Variants in FANCB observed in about 807,000 individuals in gnomAD.
FANCB encodes FA complementation group B, also known as Fanconi anemia group B protein.
In FANCB, 5 loss-of-function variants were observed where a neutral mutation model predicts 38.9. The observed-to-expected ratio is 0.13, with a 90% CI of 0.07 to 0.27. The LOEUF is 0.27. Among genes scored for constraint, FANCB ranks in the 10% least tolerant of loss-of-function variants. The probability of loss-of-function intolerance (pLI) is 1.00; values close to 1 mark genes in which losing one functional copy is unlikely to be tolerated. For missense variants in FANCB, 573 were observed against 602.7 expected, an observed-to-expected ratio of 0.95 and a Z score of 0.52; for synonymous variants, 236 against 215.4, an observed-to-expected ratio of 1.10 and a Z score of -0.84.
chrX:14,696,457 T>C, the FANCB span, among the ~76,000 whole-genome samples: 1 of 111,893 alleles, frequency 8.9e-6, no homozygotes, highest in Non-Finnish European at 1.9e-5. Context: ...GAAAAAATTA[T>C]TGACAGCAAG....
downstream of FANCB, among the ~76,000 whole-genome samples, chrX:14,843,208 T>C (rs901004174): frequency 9.0e-6 from 1 of 111,680 alleles, no homozygotes; most frequent in Non-Finnish European, 1.9e-5. Context: ...GGCTGGATAA[T>C]TCTTTGTTGT....
the FANCB span, among the ~76,000 whole-genome samples, chrX:14,766,420 G>A: frequency 1.8e-5 from 2 of 111,866 alleles, no homozygotes; most frequent in Non-Finnish European, 1.9e-5. Flanking sequence ...GCACCCAGAA[G>A]TAATGAGGGA....
At chrX:14,872,643 C>T (rs915368602) in intron 1 of FANCB, among the ~76,000 whole-genome samples, 2 of 67,044 alleles carry the variant, frequency 3.0e-5, no homozygotes, top group African/African-American at 1.3e-4. Context: ...CCGCCCCCCC[C>T]ACACACACCC....
chrX:14,797,826 G>A, the FANCB span, among the ~76,000 whole-genome samples: 2 of 111,121 alleles, frequency 1.8e-5, no homozygotes, highest in African/African-American at 6.6e-5. Flanking sequence ...CACATCTCGG[G>A]AGCTTAAAAA....
the FANCB span, among the ~76,000 whole-genome samples, chrX:14,715,798 C>A: frequency 1.8e-5 from 2 of 111,431 alleles, no homozygotes; most frequent in African/African-American, 6.5e-5. Context: ...GAATGTCACA[C>A]AAAGGAGCTT....
rs373465821 is a variant in FANCB, at chrX:14,843,662, T to C, written c.2485A>G (p.Lys829Glu). 3 of 1,208,012 alleles carry C rather than the reference T, an allele frequency of 2.5e-6. No individual in the cohort carries two copies. The African/African-American group carries it at 5.3e-5, about 21-fold the overall frequency. The part of the protein sequence containing the change: ...EKKKMLQTNL[K>E]VSGALYREIT... ...TCTCTGTAAAGGGCACCACTCACTT[T>C]TAGGTTCGTTTGCAACATTTTCTTC... The change falls in exon 10 of 10, where the codon AAA becomes GAA. Residue 829 changes from lysine to glutamate, a missense_variant. Coordinates refer to ENST00000650831, the MANE Select transcript of FANCB (RefSeq NM_001018113.3).
At chrX:14,828,541 A>AAGGTTGATCATGAGATTGC in the FANCB span, among the ~76,000 whole-genome samples, 1 of 111,727 alleles carries the variant, frequency 9.0e-6, no homozygotes, top group African/African-American at 3.3e-5. Flanking sequence ...TCATCCATTC[A>AAGGTTGATCATGAGATTGC]AGGTTGATCA....
the FANCB span, among the ~76,000 whole-genome samples, chrX:14,722,280 C>T: frequency 9.0e-6 from 1 of 111,278 alleles, no homozygotes; most frequent in Admixed American, 9.6e-5. Flanking sequence ...GTTGGGCAGG[C>T]ATCATTCTTT....
the FANCB span, among the ~76,000 whole-genome samples, chrX:14,719,853 A>G: frequency 8.9e-6 from 1 of 112,347 alleles, no homozygotes; most frequent in Non-Finnish European, 1.9e-5. Flanking sequence ...TACATAATGG[A>G]GTACTATTCA....
chrX:14,844,110 A>AC (rs748874800), intron 9 of FANCB, 129 bp from the exon 10 acceptor site: 61 of 520,261 alleles, frequency 1.2e-4, no homozygotes, highest in Non-Finnish European at 1.7e-4. Flanking sequence ...CCAATTATGT[A>AC]CGTGAGCATT....
At chrX:14,748,833 G>C in the FANCB span, among the ~76,000 whole-genome samples, 2 of 111,974 alleles carry the variant, frequency 1.8e-5, no homozygotes, top group East Asian at 5.6e-4. Flanking sequence ...GACTTGCCCA[G>C]GACCATGGCA....
At chrX:14,724,679 T>C in the FANCB span, among the ~76,000 whole-genome samples, 1 of 95,145 alleles carries the variant, frequency 1.1e-5, no homozygotes, top group Non-Finnish European at 2.1e-5. Context: ...AGTTGCTCAA[T>C]AAATAAATCC....
chrX:14,872,637 C>CA (rs1297648035), intron 1 of FANCB, among the ~76,000 whole-genome samples: 3 of 82,714 alleles, frequency 3.6e-5, no homozygotes, highest in Non-Finnish European at 6.8e-5. Flanking sequence ...GTAAAACCGC[C>CA]CCCCCCACAC....
chrX:14,718,413 T>A, the FANCB span, among the ~76,000 whole-genome samples: 1 of 112,438 alleles, frequency 8.9e-6, no homozygotes, highest in Non-Finnish European at 1.9e-5. Context: ...GAAAGTGTAA[T>A]ATTTGGCACA....
downstream of FANCB, among the ~76,000 whole-genome samples, chrX:14,842,142 T>C (rs1160964596): frequency 2.7e-5 from 3 of 112,187 alleles, no homozygotes; most frequent in Non-Finnish European, 5.6e-5. Flanking sequence ...TAATCCTGAA[T>C]TTATTCCATT....
At chrX:14,769,552 T>A in the FANCB span, among the ~76,000 whole-genome samples, 1 of 111,915 alleles carries the variant, frequency 8.9e-6, no homozygotes, top group Non-Finnish European at 1.9e-5. Context: ...GTCTCTTTTC[T>A]TCCATATTAG....
chrX:14,760,490 G>C, the FANCB span, among the ~76,000 whole-genome samples: 2 of 111,614 alleles, frequency 1.8e-5, no homozygotes, highest in Non-Finnish European at 3.8e-5. Context: ...GTGTGCAGTA[G>C]AGTGACTATG....
rs754376484 is a variant in FANCB, at chrX:14,866,942, G to A, written c.-70-1362C>T. ...GCAGCATTTCTATTTGCTAAAAAGC[G>A]AACTATCTGAAAAAGAAATCAAGAA... On this transcript the variant is annotated intron_variant, in intron 2 of 9. Coordinates refer to ENST00000650831, the MANE Select transcript of FANCB (RefSeq NM_001018113.3). Among the ~76,000 whole-genome samples, 18 of 110,346 alleles carry A rather than the reference G, an allele frequency of 1.6e-4. No individual in the cohort carries two copies. The East Asian group carries it at 3.1e-3, about 19-fold the overall frequency.
the FANCB span, chrX:14,731,761 G>T: frequency 3.4e-4 from 38 of 111,851 alleles, no homozygotes; most frequent in Admixed American, 1.1e-3. Context: ...TGTACAAGGG[G>T]TTATTTTAAA....
Sources: gnomAD v4.1 joint callset for allele counts (sites outside exome capture counted in the v4.1 genomes callset) on GRCh38, gnomAD v4.1.1 for gene constraint, MANE v1.5 for transcripts, NCBI Gene and HGNC (gene_info 2026-07-23, HGNC 2026-07-21) for gene names.